The following RREB1 variants were observed in gnomAD, a reference collection of about 807,000 sequenced individuals.
RREB1 encodes the protein ras responsive element binding protein 1.
Under a neutral mutation model 117.8 loss-of-function variants are expected in RREB1, and 27 were observed. The ratio of observed to expected loss-of-function variants is 0.23; its 90% CI spans 0.17 to 0.32. RREB1 has a LOEUF of 0.32. RREB1 is among the 10% of genes least tolerant of loss of function. RREB1 has a pLI of 1.00. For missense variants in RREB1, 2,577 were observed against 2,378.2 expected (o/e 1.08, Z -1.74); for synonymous variants, 1,298 against 1,026.7 (o/e 1.26, Z -5.05).
At chr6:7,159,957 G>A (rs1033807670) in intron 1 of RREB1, among the ~76,000 whole-genome samples, 15 of 152,136 alleles carry the variant, frequency 9.9e-5, no homozygotes, top group African/African-American at 3.4e-4. Flanking sequence ...CATGTCATCT[G>A]TTCAGCTCAG....
At chr6:7,139,911 T>C (rs1236187983) in intron 1 of RREB1, among the ~76,000 whole-genome samples, 1 of 152,242 alleles carries the variant, frequency 6.6e-6, no homozygotes, top group African/African-American at 2.4e-5. Context: ...TAACAGAACT[T>C]TGCCTTTTTC....
At chr6:7,173,112 T>C (rs1387846364) in intron 1 of RREB1, among the ~76,000 whole-genome samples, 1 of 152,154 alleles carries the variant, frequency 6.6e-6, no homozygotes, top group East Asian at 1.9e-4. Context: ...TTGTGGAGAC[T>C]CTGCACTGTG....
chr6:7,155,100 A>G (rs1200656144), intron 1 of RREB1, among the ~76,000 whole-genome samples: 1 of 152,196 alleles, frequency 6.6e-6, no homozygotes, highest in Non-Finnish European at 1.5e-5. Flanking sequence ...TCGCACTAGA[A>G]GAATATTTTC....
chr6:7,227,629 T>TA (rs747129245), intron 9 of RREB1, among the ~76,000 whole-genome samples: 16 of 151,876 alleles, frequency 1.1e-4, no homozygotes, highest in Non-Finnish European at 1.9e-4. Context: ...CGTGGGATTT[T>TA]AAAAAAAAAT....
Position 7,248,582 on chromosome 6 carries a change from C to T in RREB1, c.4843C>T (p.Arg1615Trp), listed in dbSNP as rs748378386. ...GAAGCACAGCCTGGTTCGCCACCAG[C>T]GGATCCACCAGAAAGCCAGGCATGC... ...TLKHSLVRHQRIHQKARHAKH... is the reference protein window; with the variant it reads ...TLKHSLVRHQWIHQKARHAKH... The change falls in exon 13 of 13, where the codon CGG becomes TGG. Residue 1615 changes from arginine (R) to tryptophan (W), a missense_variant. By Grantham distance (101) the Arg-to-Trp change is moderately radical. Coordinates refer to ENST00000379938, the MANE Select transcript of RREB1 (RefSeq NM_001003699.4). The T allele has an allele frequency of 8.1e-6, 13 of 1,614,142 alleles. No individual in the cohort carries two copies. The highest frequency in any genetic ancestry group is 1.7e-5 in the Admixed American group (1 of 60,014).
At chr6:7,156,976 C>T (rs975035330) in intron 1 of RREB1, among the ~76,000 whole-genome samples, 1 of 152,156 alleles carries the variant, frequency 6.6e-6, no homozygotes, top group African/African-American at 2.4e-5. Context: ...CTTCGTCGTC[C>T]CTGGCTGTTG....
Position 7,231,304 on chromosome 6 carries a change from G to C in RREB1, c.3205G>C (p.Ala1069Pro). ...AGAGCTGCCCCCGCTGGCCTCCATT[G>C]CCCAGATCATCTCATCTGTATCCTC... ...TEELPPLASI[A>P]QIISSVSSAP... Residue 1069 changes from alanine (A) to proline (P), a missense_variant, in exon 10 of 13, where the codon GCC becomes CCC. Transcript: ENST00000379938. The C allele has an allele frequency of 6.2e-7, 1 of 1,607,808 alleles. No individual in the cohort carries two copies.
At chr6:7,245,318 C>T (rs1768939406) in intron 11 of RREB1, among the ~76,000 whole-genome samples, 1 of 152,104 alleles carries the variant, frequency 6.6e-6, no homozygotes, top group African/African-American at 2.4e-5. Context: ...TTGCTTGAAC[C>T]CGGGAGGTGG....
In RREB1 at chr6:7,247,231, G is replaced by A. The variant is rs1308683062; in HGVS notation, c.4771+10G>A. The stretch of plus-strand genomic sequence containing the variant: ...ATGCGCTCCCACACAGGTAACCAGG[G>A]CAGGCCAGGTCCCCGGCCCAACAAG... On this transcript the variant is annotated intron_variant, in intron 12 of 12. Transcript: ENST00000379938. 1 of 1,607,226 alleles carries A rather than the reference G, an allele frequency of 6.2e-7. No homozygotes were observed.
chr6:7,165,871 G>T (rs762303217), intron 1 of RREB1, among the ~76,000 whole-genome samples: 1 of 152,118 alleles, frequency 6.6e-6, no homozygotes, highest in Admixed American at 6.5e-5. Flanking sequence ...ACATTTGGGG[G>T]GAGTTTGGGG....
chr6:7,108,933 C>T (rs1760987491), intron 1 of RREB1, among the ~76,000 whole-genome samples: 1 of 147,054 alleles, frequency 6.8e-6, no homozygotes, highest in Non-Finnish European at 1.5e-5. Flanking sequence ...GGGCCCTAGC[C>T]GTGCGGGCAC....
At chr6:7,160,375 C>T (rs1458262584) in intron 1 of RREB1, among the ~76,000 whole-genome samples, 1 of 152,158 alleles carries the variant, frequency 6.6e-6, no homozygotes, top group African/African-American at 2.4e-5. Flanking sequence ...TAAAAAAGCA[C>T]TGTATTCTCA....
intron 1 of RREB1, among the ~76,000 whole-genome samples, chr6:7,117,411 T>C (rs1188754098): frequency 8.2e-6 from 1 of 121,310 alleles, no homozygotes; most frequent in Non-Finnish European, 1.7e-5. Context: ...TTTTTTTTTT[T>C]TTTTTTTTTT....
At position 7,246,663 on chromosome 6, in the gene RREB1, G is replaced by A. The variant is rs1217203178; in HGVS notation, c.4213G>A (p.Gly1405Ser). The part of the protein sequence containing the change: ...GTEESTGDAD[G>S]AEEDASSNQS... ...TGAGGAGAGCACTGGGGACGCCGAC[G>A]GCGCGGAAGAGGACGCGTCGAGCAA... Residue 1405 changes from glycine (G) to serine (S), a missense_variant, in exon 12 of 13, where the codon GGC becomes AGC. Transcript: ENST00000379938. 6 of 1,579,146 alleles carry A rather than the reference G, an allele frequency of 3.8e-6. No individual in the cohort carries two copies. The highest frequency in any genetic ancestry group is 2.7e-5 in the African/African-American group (2 of 74,030).
In RREB1 at chr6:7,242,650, C is replaced by CT. The variant is rs554679835; in HGVS notation, c.3973+2048_3973+2049insT. ...AAGCCTTCATTCTGGGTTCCCCCCC[C>CT]CCAGTGAAGTTTAAAAAGTGAGGCT... On this transcript the variant is annotated intron_variant, in intron 11 of 12. Coordinates refer to ENST00000379938, the MANE Select transcript of RREB1 (RefSeq NM_001003699.4). Among the ~76,000 whole-genome samples, 13 of 150,246 alleles carry CT rather than the reference C, an allele frequency of 8.7e-5. No individual in the cohort carries two copies. The East Asian group carries it at 1.4e-3, about 16-fold the overall frequency.
intron 1 of RREB1, among the ~76,000 whole-genome samples, chr6:7,149,757 G>A (rs769102733): frequency 2.0e-5 from 3 of 152,132 alleles, no homozygotes; most frequent in Non-Finnish European, 4.4e-5. Context: ...GCGCAATCTC[G>A]GCTCACTGCA....
intron 1 of RREB1, among the ~76,000 whole-genome samples, chr6:7,126,812 C>T (rs1308001906): frequency 1.3e-5 from 2 of 152,192 alleles, no homozygotes; most frequent in Admixed American, 6.6e-5. Context: ...TTTCTTGACA[C>T]TTGCCCTGGG....
rs1009412926 is a variant in RREB1 at position 7,250,765 on chromosome 6, A to G, written c.*1797A>G. On this transcript the variant is annotated 3_prime_UTR_variant, in exon 13 of 13. Coordinates refer to ENST00000379938, the MANE Select transcript of RREB1 (RefSeq NM_001003699.4). ...AACCTCCCAGACTTCACAGGAAGAT[A>G]GATATTCTTGAGATAATGAAAAGTG... 2.0e-5 allele frequency: 3 copies of G among 152,198 alleles called. No individual in the cohort carries two copies. Among genetic ancestry groups the G allele is most frequent in the Non-Finnish European group, 4.4e-5 (3 of 68,036 alleles). The allele number at this position is 152,198 out of a possible 1,614,324, so 9.4% of individuals were successfully genotyped here.
rs189322160 is a variant in RREB1, at chr6:7,227,621, T to C, written c.897+965T>C. Among the ~76,000 whole-genome samples the C allele has an allele frequency of 3.7e-4, 56 of 152,252 alleles. 1 individual carries two copies. The highest frequency in any genetic ancestry group is 1.3e-3 in the African/African-American group (56 of 41,546). On this transcript the variant is annotated intron_variant, in intron 9 of 12. Transcript: ENST00000379938. ...CCAGTCCTATGATAATCGGAATTCG[T>C]GGGATTTTAAAAAAAAATCTTTCTT... is the stretch of plus-strand genomic sequence containing the variant.
Sources: allele counts gnomAD v4.1 joint callset (sites outside exome capture counted in the v4.1 genomes callset), GRCh38; gene constraint gnomAD v4.1.1; transcripts MANE v1.5; gene names NCBI Gene and HGNC (gene_info 2026-07-23, HGNC 2026-07-21).